Variants in GGTA1 observed in about 807,000 individuals in gnomAD.
GGTA1 encodes the protein glycoprotein alpha-galactosyltransferase 1 (inactive).
Under a neutral mutation model 2.6 loss-of-function variants are expected in GGTA1, and 5 were observed. The observed-to-expected ratio is 1.92, with a 90% confidence interval of 1.00 to 4.04. The LOEUF (loss-of-function observed/expected upper bound fraction) is 4.04. Among genes scored for constraint, GGTA1 ranks in the 30% most tolerant of loss-of-function variants. GGTA1 has a pLI of 0.00. For synonymous variants in GGTA1, 17 were observed against 5.0 expected (o/e 3.38, Z -3.19); for missense variants, 50 against 16.7 (o/e 2.99, Z -3.47).
intron 1 of GGTA1, among the ~76,000 whole-genome samples, chr9:121,473,951 G>A (rs1828450220): frequency 7.2e-6 from 1 of 137,970 alleles, no homozygotes; most frequent in East Asian, 2.4e-4. Context: ...GAGAGAGAGA[G>A]AGAGAGAGGG....
intron 1 of GGTA1, among the ~76,000 whole-genome samples, chr9:121,484,919 A>G (rs1307075684): frequency 6.6e-6 from 1 of 152,198 alleles, no homozygotes; most frequent in Non-Finnish European, 1.5e-5. Context: ...TCTGGCTTGG[A>G]AAAGCTCAAA....
At chr9:121,451,436 C>T (rs1438125907), downstream of GGTA1, among the ~76,000 whole-genome samples, 1 of 152,196 alleles carries the variant, frequency 6.6e-6, no homozygotes, top group East Asian at 1.9e-4. Flanking sequence ...CCACCCACCT[C>T]GGCCTCCCAA....
At chr9:121,496,563 T>A (rs1828996458) in intron 1 of GGTA1, among the ~76,000 whole-genome samples, 1 of 151,360 alleles carries the variant, frequency 6.6e-6, no homozygotes, top group African/African-American at 2.4e-5. Context: ...ACCCCAACTC[T>A]ACTAAAAATA....
chr9:121,463,455 T>C (rs2064977213), intron 2 of GGTA1, 127 bp from the exon 3 acceptor site: 21 of 370,626 alleles, frequency 5.7e-5, no homozygotes, highest in South Asian at 4.1e-4. Context: ...TCCTGGTTTC[T>C]ACCTTCCTTT....
At chr9:121,452,581 G>A (rs1469887041), downstream of GGTA1, among the ~76,000 whole-genome samples, 1 of 151,830 alleles carries the variant, frequency 6.6e-6, no homozygotes, top group African/African-American at 2.4e-5. Context: ...TGCAGTGGCA[G>A]GATCTTGGCT....
chr9:121,462,728 AT>A (rs1441638930), intron 3 of GGTA1: 2 of 152,234 alleles, frequency 1.3e-5, no homozygotes, highest in Non-Finnish European at 2.9e-5. Context: ...AAAAGCCGGG[AT>A]TTCACACCAG....
chr9:121,490,550 C>T (rs1156591692), intron 1 of GGTA1, among the ~76,000 whole-genome samples: 1 of 152,170 alleles, frequency 6.6e-6, no homozygotes, highest in Non-Finnish European at 1.5e-5. Flanking sequence ...GCACAACGGG[C>T]CGGATCCTCC....
At chr9:121,466,319 C>T (rs909902251) in intron 2 of GGTA1, among the ~76,000 whole-genome samples, 3 of 152,176 alleles carry the variant, frequency 2.0e-5, no homozygotes, top group Non-Finnish European at 2.9e-5. Context: ...GAGTGGGAAA[C>T]GTCCTCAGCC....
intron 1 of GGTA1, among the ~76,000 whole-genome samples, chr9:121,478,554 G>A (rs747280856): frequency 6.6e-6 from 1 of 152,190 alleles, no homozygotes; most frequent in Non-Finnish European, 1.5e-5. Flanking sequence ...ACCTCAGTGA[G>A]CTGGTGGGTC....
At chr9:121,482,905 C>T (rs958488896) in intron 1 of GGTA1, among the ~76,000 whole-genome samples, 2 of 151,850 alleles carry the variant, frequency 1.3e-5, no homozygotes, top group East Asian at 1.9e-4. Flanking sequence ...GAGCCAAGAT[C>T]GCTCCACTGC....
chr9:121,496,013 A>G (rs1828985243), intron 1 of GGTA1, among the ~76,000 whole-genome samples: 1 of 152,230 alleles, frequency 6.6e-6, no homozygotes, highest in Admixed American at 6.5e-5. Context: ...CCCACAGAGT[A>G]CAAGTACCAG....
intron 1 of GGTA1, among the ~76,000 whole-genome samples, chr9:121,481,492 G>T (rs759986094): frequency 6.6e-5 from 10 of 151,862 alleles, no homozygotes; most frequent in Non-Finnish European, 1.5e-4. Flanking sequence ...TTTGAGACCA[G>T]CCTAACATGG....
intron 1 of GGTA1, among the ~76,000 whole-genome samples, chr9:121,498,765 G>A (rs1020219821): frequency 3.1e-4 from 47 of 152,148 alleles, no homozygotes; most frequent in African/African-American, 1.0e-3. Context: ...CCTGCCGGAG[G>A]AGCGGCTCTC....
intron 1 of GGTA1, among the ~76,000 whole-genome samples, chr9:121,473,324 A>C (rs1828434800): frequency 6.6e-6 from 1 of 151,254 alleles, no homozygotes; most frequent in South Asian, 2.1e-4. Context: ...CATCTCAAAA[A>C]AAAAAAAAAA....
intron 1 of GGTA1, chr9:121,478,962 G>A (rs1828575959): frequency 4.6e-6 from 2 of 434,678 alleles, no homozygotes; most frequent in Non-Finnish European, 9.0e-6. Flanking sequence ...CTTGCCCCCT[G>A]CTCCTGCATT....
intron 1 of GGTA1, among the ~76,000 whole-genome samples, chr9:121,471,215 C>A (rs1387206363): frequency 6.6e-6 from 1 of 152,208 alleles, no homozygotes; most frequent in Non-Finnish European, 1.5e-5. Context: ...ACATCCCACC[C>A]CTGCCCACCC....
At chr9:121,445,397 G>T (rs1309911318) in exon 8 of GGTA1, 1 of 152,176 alleles carries the variant, frequency 6.6e-6, no homozygotes, top group South Asian at 2.1e-4. Flanking sequence ...CGGTGAAATG[G>T]TCGAGAAAAA....
chr9:121,467,035 C>T (rs2065010111), intron 2 of GGTA1, among the ~76,000 whole-genome samples: 1 of 151,056 alleles, frequency 6.6e-6, no homozygotes, highest in African/African-American at 2.4e-5. Context: ...GCCACTGAAA[C>T]ACTCCGCTAT....
At chr9:121,448,402 A>G (rs1482178461) in intron 7 of GGTA1, among the ~76,000 whole-genome samples, 1 of 152,144 alleles carries the variant, frequency 6.6e-6, no homozygotes, top group Non-Finnish European at 1.5e-5. Flanking sequence ...ATCTGCCTTC[A>G]TGTTACATAG....
Sources: gnomAD v4.1 joint callset for allele counts (sites outside exome capture counted in the v4.1 genomes callset) on GRCh38, gnomAD v4.1.1 for gene constraint, MANE v1.5 for transcripts, NCBI Gene and HGNC (gene_info 2026-07-23, HGNC 2026-07-21) for gene names.